The following RAB2A variants were observed in gnomAD, a reference collection of about 807,000 sequenced individuals.
RAB2A encodes ras-related protein Rab-2A.
In RAB2A, 7 loss-of-function variants were observed where a neutral mutation model predicts 32.5. The ratio of observed to expected loss-of-function variants is 0.22; its 90% CI spans 0.12 to 0.40. The LOEUF is 0.40. Ranked by LOEUF, RAB2A falls within the 10% of genes least tolerant of loss-of-function variation. The probability of loss-of-function intolerance (pLI) is 1.00; values close to 1 mark genes in which losing one functional copy is unlikely to be tolerated. For missense variants in RAB2A, 108 were observed against 260.7 expected, an observed-to-expected ratio of 0.41 and a Z score of 4.03; for synonymous variants, 79 against 85.2, an observed-to-expected ratio of 0.93 and a Z score of 0.40.
At chr8:60,563,880 A>G (rs74326466) in intron 2 of RAB2A, among the ~76,000 whole-genome samples, 129 of 152,224 alleles carry the variant, frequency 8.5e-4, no homozygotes, top group African/African-American at 2.9e-3. Flanking sequence ...TCATTCCTGC[A>G]TGCACCCACA....
chr8:60,523,911 C>G (rs1051928891), intron 1 of RAB2A, among the ~76,000 whole-genome samples: 1 of 150,532 alleles, frequency 6.6e-6, no homozygotes, highest in South Asian at 2.1e-4. Flanking sequence ...AGGATAGTCT[C>G]GATCTCCTGA....
At chr8:60,518,596 CAAAAAAAAAAAAAA>C (rs59503766) in intron 1 of RAB2A, among the ~76,000 whole-genome samples, 12 of 45,512 alleles carry the variant, frequency 2.6e-4, no homozygotes, top group East Asian at 2.3e-3. Context: ...GTGGAGTTTG[CAAAAAAAAAAAAAA>C]AAAAAAAAAA....
Position 60,612,410 on chromosome 8 carries a change from G to A in RAB2A, c.475-6170G>A, listed in dbSNP as rs1358714623. ...TAATTTTTGTAAAGGGTAGGAAAGA[G>A]ACAAAAGATGTAAATAATACAAATT... On this transcript the variant is annotated intron_variant, in intron 6 of 7. Coordinates refer to ENST00000262646, the MANE Select transcript of RAB2A (RefSeq NM_002865.3). 3.9e-5 allele frequency among the ~76,000 whole-genome samples: 6 copies of A among 152,106 alleles called. No individual in the cohort carries two copies. The East Asian group carries it at 1.2e-3, about 29-fold the overall frequency.
At chr8:60,541,852 C>T (rs1433202884) in intron 1 of RAB2A, among the ~76,000 whole-genome samples, 1 of 152,140 alleles carries the variant, frequency 6.6e-6, no homozygotes, top group Non-Finnish European at 1.5e-5. Context: ...CCACGTCACA[C>T]CCAAGCTGAG....
intron 2 of RAB2A, chr8:60,570,181 C>T (rs1047746951): frequency 4.0e-5 from 13 of 326,878 alleles, no homozygotes; most frequent in Admixed American, 4.0e-5. Context: ...ATTGATGGGT[C>T]TGTTTCTAGT....
Position 60,612,901 on chromosome 8 carries a change from G to A in RAB2A, c.475-5679G>A, listed in dbSNP as rs144527698. ...CTACTCCATCTCATTCCAAAAGGTG[G>A]CCCCTGCAGAATTGCCTTGAAATAC... On this transcript the variant is annotated intron_variant, in intron 6 of 7. Coordinates refer to ENST00000262646, the MANE Select transcript of RAB2A (RefSeq NM_002865.3). Among the ~76,000 whole-genome samples the A allele has an allele frequency of 2.8e-3, 426 of 152,226 alleles. 2 individuals carry two copies. Among genetic ancestry groups the A allele is most frequent in the Admixed American group, 6.1e-3 (93 of 15,292 alleles).
intron 1 of RAB2A, among the ~76,000 whole-genome samples, chr8:60,531,851 A>G (rs1439882503): frequency 1.4e-5 from 2 of 138,162 alleles, no homozygotes; most frequent in Non-Finnish European, 3.0e-5. Context: ...TGCCCAGGCT[A>G]TACTACAATG....
rs371695881 is a variant in RAB2A at position 60,572,144 on chromosome 8, T to A, written c.186+31T>A. 2.7e-6 allele frequency: 4 copies of A among 1,481,212 alleles called. No individual in the cohort carries two copies. The African/African-American group carries it at 4.2e-5, about 15-fold the overall frequency. 91.8% of individuals were successfully genotyped at this position (1,481,212 alleles called of 1,614,324 possible). A position where few individuals can be genotyped will look rare whatever the true frequency, so the allele number is the denominator to read the frequency against. ...TATAGGAAAAGTGCACTGTATGATCTCAGTAAAGTTACTTTATGAAAGTAC... is the reference window on the plus strand; with the variant it reads ...TATAGGAAAAGTGCACTGTATGATCACAGTAAAGTTACTTTATGAAAGTAC... On this transcript the variant is annotated intron_variant, in intron 3 of 7. Transcript: ENST00000262646.
At chr8:60,540,921 G>A (rs1807634424) in intron 1 of RAB2A, among the ~76,000 whole-genome samples, 1 of 152,198 alleles carries the variant, frequency 6.6e-6, no homozygotes, top group Admixed American at 6.5e-5. Flanking sequence ...TGAAAACTCT[G>A]GGGCAGAAGT....
chr8:60,580,736 C>G (rs1465352605), intron 3 of RAB2A, among the ~76,000 whole-genome samples: 1 of 152,152 alleles, frequency 6.6e-6, no homozygotes, highest in Non-Finnish European at 1.5e-5. Flanking sequence ...CAAAACAGTT[C>G]AGAAGGAATG....
At chr8:60,576,586 T>C (rs1563475335) in intron 3 of RAB2A, among the ~76,000 whole-genome samples, 1 of 152,244 alleles carries the variant, frequency 6.6e-6, no homozygotes. Context: ...GCTAAAAGTT[T>C]CTTCTCAGCA....
chr8:60,565,073 A>T (rs2130834913), intron 2 of RAB2A, among the ~76,000 whole-genome samples: 1 of 152,328 alleles, frequency 6.6e-6, no homozygotes, highest in African/African-American at 2.4e-5. Context: ...CGGCTAGGCC[A>T]TCTATATGTT....
intron 1 of RAB2A, among the ~76,000 whole-genome samples, chr8:60,543,644 C>CTACA (rs1250793222): frequency 6.6e-6 from 1 of 152,166 alleles, no homozygotes; most frequent in Non-Finnish European, 1.5e-5. Context: ...ATTCAATTTA[C>CTACA]TACAGTAAAC....
At chr8:60,573,806 A>G (rs74428501) in intron 3 of RAB2A, among the ~76,000 whole-genome samples, 3 of 152,194 alleles carry the variant, frequency 2.0e-5, no homozygotes, top group African/African-American at 7.2e-5. Context: ...TTTTGGAGAC[A>G]GGGTCTCACT....
intron 1 of RAB2A, among the ~76,000 whole-genome samples, chr8:60,526,039 A>ATT (rs1472936177): frequency 8.1e-6 from 1 of 123,536 alleles, no homozygotes; most frequent in African/African-American, 3.0e-5. Flanking sequence ...ATATATATAT[A>ATT]TATATATATA....
intron 2 of RAB2A, among the ~76,000 whole-genome samples, chr8:60,565,676 A>ATTTTTTTTTTTTT (rs71252885): frequency 2.0e-5 from 2 of 97,672 alleles, no homozygotes; most frequent in Non-Finnish European, 4.2e-5. Context: ...TCTGTAGCTG[A>ATTTTTTTTTTTTT]TTTTTTTTTT....
chr8:60,607,346 A>G (rs982212722), intron 6 of RAB2A, among the ~76,000 whole-genome samples: 3 of 147,494 alleles, frequency 2.0e-5, no homozygotes, highest in East Asian at 2.1e-4. Flanking sequence ...GGAGAATGGC[A>G]TGAACCCGGG....
chr8:60,544,282 T>G (rs1042545582), intron 1 of RAB2A, among the ~76,000 whole-genome samples: 2 of 151,638 alleles, frequency 1.3e-5, no homozygotes, highest in African/African-American at 4.8e-5. Flanking sequence ...TCAAGTGATC[T>G]GCCCACCTCA....
intron 6 of RAB2A, among the ~76,000 whole-genome samples, chr8:60,610,830 C>A (rs557490822): frequency 2.0e-5 from 3 of 152,286 alleles, no homozygotes; most frequent in African/African-American, 7.2e-5. Context: ...TCACATTTAT[C>A]TGTAGCTTAT....
Sources: allele counts gnomAD v4.1 joint callset (sites outside exome capture counted in the v4.1 genomes callset), GRCh38; gene constraint gnomAD v4.1.1; transcripts MANE v1.5; gene names NCBI Gene and HGNC (gene_info 2026-07-23, HGNC 2026-07-21).